The following GPC6 variants were observed in gnomAD, a reference collection of about 807,000 sequenced individuals.
GPC6 encodes the protein glypican-6.
In GPC6, 14 loss-of-function variants were observed where a neutral mutation model predicts 55.2. The observed-to-expected ratio is 0.25, with a 90% confidence interval of 0.17 to 0.40. GPC6 has a LOEUF of 0.40. GPC6 is among the 10% of genes least tolerant of loss of function. The pLI is 1.00. For missense variants in GPC6, 641 were observed against 708.5 expected (o/e 0.90, Z 1.08); for synonymous variants, 278 against 259.6 (o/e 1.07, Z -0.68).
chr13:93,803,735 G>A (rs1317005554), intron 2 of GPC6, among the ~76,000 whole-genome samples: 1 of 152,118 alleles, frequency 6.6e-6, no homozygotes, highest in African/African-American at 2.4e-5. Context: ...ACCGTACAGT[G>A]GAATATTATT....
chr13:93,299,173 A>G (rs1449379581), intron 1 of GPC6, among the ~76,000 whole-genome samples: 3 of 152,192 alleles, frequency 2.0e-5, no homozygotes, highest in African/African-American at 7.2e-5. Context: ...AATACCTTTA[A>G]GTGACTATCT....
At chr13:93,341,512 T>C (rs546882455) in intron 1 of GPC6, among the ~76,000 whole-genome samples, 2 of 152,290 alleles carry the variant, frequency 1.3e-5, no homozygotes, top group South Asian at 4.1e-4. Context: ...TGTTGAGCAT[T>C]TTTTCCTAAG....
chr13:93,927,699 A>G (rs935645706), intron 3 of GPC6, among the ~76,000 whole-genome samples: 1 of 152,126 alleles, frequency 6.6e-6, no homozygotes, highest in African/African-American at 2.4e-5. Context: ...AAAAAAAAAA[A>G]AAAAGAATTG....
At chr13:93,651,516 G>A (rs1243857534) in intron 2 of GPC6, among the ~76,000 whole-genome samples, 1 of 152,100 alleles carries the variant, frequency 6.6e-6, no homozygotes, top group Admixed American at 6.5e-5. Flanking sequence ...TGTAAATCCT[G>A]CCTGCAAATA....
intron 2 of GPC6, among the ~76,000 whole-genome samples, chr13:93,792,880 G>A (rs1174426752): frequency 2.0e-5 from 3 of 152,134 alleles, no homozygotes; most frequent in Admixed American, 6.5e-5. Flanking sequence ...CCCCACATAA[G>A]AAAAACAACC....
chr13:93,256,945 T>A (rs1436251877), intron 1 of GPC6, among the ~76,000 whole-genome samples: 1 of 152,156 alleles, frequency 6.6e-6, no homozygotes, highest in African/African-American at 2.4e-5. Context: ...ATACATTATT[T>A]TGTCCAACCT....
At chr13:94,183,113 A>C (rs1242624679) in intron 4 of GPC6, among the ~76,000 whole-genome samples, 2 of 152,202 alleles carry the variant, frequency 1.3e-5, no homozygotes, top group African/African-American at 4.8e-5. Flanking sequence ...AATAGGATTA[A>C]TTATATTCAT....
At chr13:93,886,760 G>T (rs11406248) in intron 3 of GPC6, among the ~76,000 whole-genome samples, 10,156 of 118,736 alleles carry the variant, frequency 0.086, 372 homozygotes, top group African/African-American at 0.11. Flanking sequence ...TTTTTTTTTT[G>T]TTTTTTTTTT....
chr13:94,034,247 A>AGGGAG (rs1555289092), intron 4 of GPC6, among the ~76,000 whole-genome samples: 2 of 146,932 alleles, frequency 1.4e-5, no homozygotes, highest in Non-Finnish European at 3.0e-5. Context: ...GAAGGAAGGA[A>AGGGAG]GGAAAGAAAG....
chr13:93,640,113 T>C (rs1244249997), intron 2 of GPC6, among the ~76,000 whole-genome samples: 1 of 152,144 alleles, frequency 6.6e-6, no homozygotes, highest in African/African-American at 2.4e-5. Flanking sequence ...AACTTCTTTA[T>C]GTTTTCTTTG....
intron 3 of GPC6, among the ~76,000 whole-genome samples, chr13:93,993,070 G>A (rs900223792): frequency 7.9e-5 from 12 of 152,070 alleles, no homozygotes; most frequent in African/African-American, 2.9e-4. Context: ...TTAGAGCTAG[G>A]AAATGGTAGT....
chr13:93,850,295 A>G (rs760454989), intron 3 of GPC6, among the ~76,000 whole-genome samples: 1 of 151,964 alleles, frequency 6.6e-6, no homozygotes, highest in Non-Finnish European at 1.5e-5. Flanking sequence ...GCCCAGCCTT[A>G]GAATTCCCAT....
At chr13:94,159,847 A>G (rs1426962687) in intron 4 of GPC6, among the ~76,000 whole-genome samples, 1 of 152,238 alleles carries the variant, frequency 6.6e-6, no homozygotes, top group East Asian at 1.9e-4. Context: ...AATCCTGCCC[A>G]TACCAATGTC....
chr13:93,514,133 G>A (rs752428876), intron 1 of GPC6, among the ~76,000 whole-genome samples: 74 of 151,980 alleles, frequency 4.9e-4, no homozygotes, highest in African/African-American at 1.8e-3. Flanking sequence ...TCAGCCTCCC[G>A]AAATGCTGGG....
intron 6 of GPC6, among the ~76,000 whole-genome samples, chr13:94,349,609 G>A (rs9561543): frequency 4.6e-5 from 7 of 152,268 alleles, no homozygotes; most frequent in African/African-American, 1.7e-4. Flanking sequence ...CTGTGTCTGA[G>A]CAAACATGTG....
intron 3 of GPC6, among the ~76,000 whole-genome samples, chr13:93,917,895 G>A (rs1237552887): frequency 3.9e-5 from 6 of 152,102 alleles, no homozygotes; most frequent in African/African-American, 1.2e-4. Flanking sequence ...TCAGGAGTTC[G>A]AGACTAGCCT....
At chr13:93,944,170 TTTTA>T (rs140286554) in intron 3 of GPC6, among the ~76,000 whole-genome samples, 4,518 of 144,906 alleles carry the variant, frequency 0.031, 122 homozygotes, top group South Asian at 0.068. Context: ...CTTCCTTTTA[TTTTA>T]TTTATTTATT....
At chr13:93,669,574 G>A (rs1881277882) in intron 2 of GPC6, among the ~76,000 whole-genome samples, 1 of 152,324 alleles carries the variant, frequency 6.6e-6, no homozygotes, top group Non-Finnish European at 1.5e-5. Context: ...ATGCAGAACA[G>A]CAAGACAGGT....
intron 1 of GPC6, among the ~76,000 whole-genome samples, chr13:93,523,015 AT>A (rs67154728): frequency 0.51 from 62,791 of 124,034 alleles, 14,156 homozygotes; most frequent in Middle Eastern, 0.64. Context: ...GGGAAAAAAT[AT>A]ATATATATAT....
Sources: allele counts gnomAD v4.1 joint callset (sites outside exome capture counted in the v4.1 genomes callset), GRCh38; gene constraint gnomAD v4.1.1; transcripts MANE v1.5; gene names NCBI Gene and HGNC (gene_info 2026-07-23, HGNC 2026-07-21).